The following PARD3 variants were observed in gnomAD, a reference collection of about 807,000 sequenced individuals.
PARD3 encodes par-3 family cell polarity regulator.
PARD3 carries 75 observed loss-of-function variants against 155.4 expected under a neutral mutation model. The observed-to-expected ratio is 0.48, with a 90% CI of 0.40 to 0.58. PARD3 has a LOEUF of 0.58. PARD3 is among the 20% of genes least tolerant of loss of function. The pLI, the probability that PARD3 is intolerant of heterozygous loss-of-function variation, is 0.00. For synonymous variants in PARD3, 576 were observed against 610.5 expected, an observed-to-expected ratio of 0.94 and a Z score of 0.83; for missense variants, 1,642 against 1,721.7, an observed-to-expected ratio of 0.95 and a Z score of 0.82.
intron 22 of PARD3, among the ~76,000 whole-genome samples, chr10:34,192,267 G>T (rs1465865391): frequency 6.6e-6 from 1 of 151,912 alleles, no homozygotes. Context: ...GTTTGTTTTT[G>T]TTTTGTTTTG....
At chr10:34,330,449 T>C (rs1364755868) in intron 19 of PARD3, among the ~76,000 whole-genome samples, 1 of 151,950 alleles carries the variant, frequency 6.6e-6, no homozygotes, top group Non-Finnish European at 1.5e-5. Context: ...CACATAAATA[T>C]AGCTTGCTAG....
chr10:34,304,949 A>T (rs1289177585), intron 20 of PARD3, among the ~76,000 whole-genome samples: 1 of 152,202 alleles, frequency 6.6e-6, no homozygotes, highest in Non-Finnish European at 1.5e-5. Context: ...CTGATAATAG[A>T]TCATCCTCTA....
chr10:34,476,791 T>TCAAAGTACGACAGGCAACACAGGTTG (rs2133148199), intron 3 of PARD3, among the ~76,000 whole-genome samples: 1 of 152,216 alleles, frequency 6.6e-6, no homozygotes, highest in South Asian at 2.1e-4. Context: ...TCAGGGTAAC[T>TCAAAGTACGACAGGCAACACAGGTTG]CCCAACAGGT....
rs1588788906 is a variant in PARD3, at chr10:34,111,278, T to G, written c.3953A>C (p.Tyr1318Ser). 6.2e-7 allele frequency: 1 copy of G among 1,613,930 alleles called. No individual in the cohort carries two copies. Among genetic ancestry groups the G allele is most frequent in the Non-Finnish European group, 8.5e-7 (1 of 1,179,840 alleles). ...DSYKKVQDPS[Y>S]APPKGPFRQD... Reference sequence around the variant, plus strand: ...CCGGAAGGGCCCCTTGGGAGGGGCGTAACTGGGGTCCTGGACTTTCTTATA... The same window carrying G: ...CCGGAAGGGCCCCTTGGGAGGGGCGGAACTGGGGTCCTGGACTTTCTTATA... The change falls in exon 25 of 25, where the codon TAC (tyrosine) becomes TCC (serine). Residue 1318 changes from tyrosine to serine, a missense_variant. Tyr to Ser is a moderately radical substitution (Grantham distance 144). Transcript: ENST00000374788.
At position 34,760,979 on chromosome 10, in the gene PARD3, A is replaced by C. The variant is rs146344521; in HGVS notation, c.120+53897T>G. Reference sequence around the variant, plus strand: ...GTGTTATACTGCAATAAATAAATTAAATTAAATTGGATAATTAATATATTT... The same window carrying C: ...GTGTTATACTGCAATAAATAAATTACATTAAATTGGATAATTAATATATTT... On this transcript the variant is annotated intron_variant, in intron 1 of 24. Transcript: ENST00000374788. Among the ~76,000 whole-genome samples, 352 of 152,296 alleles carry C rather than the reference A, an allele frequency of 2.3e-3. 2 individuals carry two copies. The highest frequency in any genetic ancestry group is 8.3e-3 in the African/African-American group (343 of 41,566).
chr10:34,633,862 T>A (rs950641280), intron 2 of PARD3, among the ~76,000 whole-genome samples: 1 of 152,236 alleles, frequency 6.6e-6, no homozygotes. Flanking sequence ...GTCTTCTGGA[T>A]AACAGCTATT....
intron 1 of PARD3, among the ~76,000 whole-genome samples, chr10:34,744,349 A>T (rs928202365): frequency 3.3e-5 from 5 of 152,216 alleles, no homozygotes; most frequent in Admixed American, 2.0e-4. Context: ...CCATCTCAAA[A>T]ATAAAAAAAC....
intron 20 of PARD3, among the ~76,000 whole-genome samples, chr10:34,298,012 C>A (rs993710584): frequency 2.6e-5 from 4 of 152,234 alleles, no homozygotes; most frequent in Admixed American, 2.6e-4. Flanking sequence ...TAGCATTATG[C>A]TGTTAACTGG....
intron 1 of PARD3, among the ~76,000 whole-genome samples, chr10:34,710,065 T>C (rs139084808): frequency 1.8e-4 from 28 of 152,220 alleles, no homozygotes; most frequent in Middle Eastern, 3.4e-3. Flanking sequence ...AATATACCCA[T>C]TGATCCAGAA....
chr10:34,371,273 G>A, intron 12 of PARD3, among the ~76,000 whole-genome samples: 1 of 151,500 alleles, frequency 6.6e-6, no homozygotes, highest in African/African-American at 2.4e-5. Context: ...AGATATAATT[G>A]CCCTATTTAT....
intron 2 of PARD3, among the ~76,000 whole-genome samples, chr10:34,559,713 C>T (rs1180128395): frequency 6.6e-6 from 1 of 152,198 alleles, no homozygotes; most frequent in African/African-American, 2.4e-5. Context: ...GAGTTACTCA[C>T]CCAACAAAGA....
chr10:34,224,862 T>C (rs1223491992), intron 22 of PARD3, among the ~76,000 whole-genome samples: 2 of 152,190 alleles, frequency 1.3e-5, no homozygotes, highest in Non-Finnish European at 2.9e-5. Flanking sequence ...TCCCTTTTTA[T>C]ATGTCTATCT....
chr10:34,780,542 T>A (rs914184504), intron 1 of PARD3, among the ~76,000 whole-genome samples: 1 of 152,190 alleles, frequency 6.6e-6, no homozygotes, highest in African/African-American at 2.4e-5. Flanking sequence ...TTGGAGGTCA[T>A]CAGGAGTCAC....
intron 1 of PARD3, among the ~76,000 whole-genome samples, chr10:34,810,182 C>T (rs534244136): frequency 6.6e-6 from 1 of 152,248 alleles, no homozygotes; most frequent in South Asian, 2.1e-4. Flanking sequence ...CACATGACGC[C>T]ACACCTGGAA....
chr10:34,356,838 T>C (rs747347335), intron 14 of PARD3, among the ~76,000 whole-genome samples: 10 of 152,226 alleles, frequency 6.6e-5, no homozygotes, highest in Non-Finnish European at 1.5e-4. Flanking sequence ...AAAAGGGTTC[T>C]TGCTAGTATT....
chr10:34,190,065 CA>C (rs1444737456), intron 22 of PARD3, among the ~76,000 whole-genome samples: 25 of 152,300 alleles, frequency 1.6e-4, no homozygotes, highest in African/African-American at 6.0e-4. Flanking sequence ...ATAAGTAAAA[CA>C]TTCATGGGCA....
chr10:34,279,930 T>C (rs920317589), intron 21 of PARD3, among the ~76,000 whole-genome samples: 7 of 152,242 alleles, frequency 4.6e-5, no homozygotes, highest in Non-Finnish European at 8.8e-5. Context: ...AATTAACTTT[T>C]ACATATTTCC....
chr10:34,728,763 G>C (rs1197684984), intron 1 of PARD3, among the ~76,000 whole-genome samples: 1 of 152,114 alleles, frequency 6.6e-6, no homozygotes, highest in Non-Finnish European at 1.5e-5. Flanking sequence ...CAAATTTTCA[G>C]GAGGTACATT....
At chr10:34,508,116 T>C (rs2081195011) in intron 3 of PARD3, among the ~76,000 whole-genome samples, 1 of 152,170 alleles carries the variant, frequency 6.6e-6, no homozygotes, top group Non-Finnish European at 1.5e-5. Flanking sequence ...CTAACTTAGG[T>C]ACAAGCTTTC....
Sources: allele counts gnomAD v4.1 joint callset (sites outside exome capture counted in the v4.1 genomes callset), GRCh38; gene constraint gnomAD v4.1.1; transcripts MANE v1.5; gene names NCBI Gene and HGNC (gene_info 2026-07-23, HGNC 2026-07-21).